CD47: variants seen among roughly 807,000 people sequenced by gnomAD.
CD47 encodes leukocyte surface antigen CD47.
CD47 carries 11 observed loss-of-function variants against 44.6 expected under a neutral mutation model. The observed-to-expected ratio is 0.25, with a 90% CI of 0.16 to 0.41. CD47 has a LOEUF of 0.41. CD47 is among the 10% of genes least tolerant of loss of function. The pLI, the probability that CD47 is intolerant of heterozygous loss-of-function variation, is 1.00. For missense variants in CD47, 306 were observed against 386.7 expected, an observed-to-expected ratio of 0.79 and a Z score of 1.75; for synonymous variants, 140 against 136.3, an observed-to-expected ratio of 1.03 and a Z score of -0.19.
At chr3:108,049,727 G>A in intron 9 of CD47, 76 bp from the exon 10 acceptor site, 1 of 950,356 alleles carries the variant, frequency 1.1e-6, no homozygotes, top group Non-Finnish European at 1.7e-6. Flanking sequence ...AAACAAATAT[G>A]CAATGATATG....
At chr3:108,080,548 A>T (rs1010185038) in intron 1 of CD47, among the ~76,000 whole-genome samples, 4 of 151,394 alleles carry the variant, frequency 2.6e-5, no homozygotes, top group Admixed American at 2.0e-4. Flanking sequence ...AGGCATCATT[A>T]TGACTTTTCT....
chr3:108,085,141 C>T (rs969221837), intron 1 of CD47, among the ~76,000 whole-genome samples: 4 of 152,074 alleles, frequency 2.6e-5, no homozygotes, highest in South Asian at 4.2e-4. Context: ...ATCATAATGA[C>T]GTTATTGCAA....
At position 108,058,448 on chromosome 3, in the gene CD47, T is replaced by G; in HGVS notation, c.692-19A>C. On this transcript the variant is annotated intron_variant, in intron 5 of 10. Transcript: ENST00000361309. ...CCAATCGCTGGAGGAAGGAAAAGGA[T>G]GTAACAGAAGCATGTCAAGAGTATT... is the stretch of plus-strand genomic sequence containing the variant. 1 of 1,493,580 alleles carries G rather than the reference T, an allele frequency of 6.7e-7. No individual in the cohort carries two copies. The highest frequency in any genetic ancestry group is 9.1e-7 in the Non-Finnish European group (1 of 1,094,996). 92.5% of individuals were successfully genotyped at this position (1,493,580 alleles called of 1,614,324 possible). A position where few individuals can be genotyped will look rare whatever the true frequency, so the allele number is the denominator to read the frequency against.
chr3:108,062,791 G>A (rs867427814), intron 3 of CD47, among the ~76,000 whole-genome samples: 1 of 150,308 alleles, frequency 6.7e-6, no homozygotes, highest in Admixed American at 6.6e-5. Flanking sequence ...ACAGGCATGC[G>A]CCACCAGGCC....
intron 3 of CD47, among the ~76,000 whole-genome samples, chr3:108,065,878 TA>T (rs1305725650): frequency 6.8e-6 from 1 of 147,500 alleles, no homozygotes; most frequent in Non-Finnish European, 1.5e-5. Flanking sequence ...AAAGTCTTAT[TA>T]CCAGGGGCCA....
chr3:108,068,364 T>C (rs2079139701), intron 3 of CD47, among the ~76,000 whole-genome samples: 1 of 152,160 alleles, frequency 6.6e-6, no homozygotes, highest in Non-Finnish European at 1.5e-5. Context: ...AATATGCACA[T>C]CACACCCACA....
intron 2 of CD47, among the ~76,000 whole-genome samples, chr3:108,079,777 C>T (rs974649999): frequency 2.0e-5 from 3 of 151,626 alleles, no homozygotes; most frequent in South Asian, 2.1e-4. Flanking sequence ...ACAAGTAATA[C>T]AAATTAAATA....
chr3:108,049,947 G>A (rs547687726), intron 9 of CD47, among the ~76,000 whole-genome samples: 1 of 151,778 alleles, frequency 6.6e-6, no homozygotes, highest in East Asian at 1.9e-4. Context: ...ATCACAAATT[G>A]GAAGTAATTG....
chr3:108,068,603 A>C (rs1386220876), intron 3 of CD47, among the ~76,000 whole-genome samples: 1 of 152,216 alleles, frequency 6.6e-6, no homozygotes, highest in Non-Finnish European at 1.5e-5. Flanking sequence ...TTCAAATCCC[A>C]GTACTATCAG....
chr3:108,064,916 C>T (rs1196891131), intron 3 of CD47, among the ~76,000 whole-genome samples: 1 of 152,146 alleles, frequency 6.6e-6, no homozygotes, highest in Non-Finnish European at 1.5e-5. Flanking sequence ...CACCTTTACA[C>T]ATAAAATTAC....
chr3:108,056,566 A>AT (rs1469899876), intron 7 of CD47, among the ~76,000 whole-genome samples: 1 of 152,176 alleles, frequency 6.6e-6, no homozygotes, highest in African/African-American at 2.4e-5. Flanking sequence ...CAGAAACACT[A>AT]TTTTTTTACT....
chr3:108,076,905 T>A (rs774020202), intron 2 of CD47, among the ~76,000 whole-genome samples: 8 of 152,150 alleles, frequency 5.3e-5, no homozygotes, highest in Admixed American at 1.3e-4. Flanking sequence ...TAAGAAGAAT[T>A]TGAGGGACAG....
chr3:108,056,112 G>A (rs1397321608), intron 7 of CD47, among the ~76,000 whole-genome samples: 1 of 152,200 alleles, frequency 6.6e-6, no homozygotes, highest in African/African-American at 2.4e-5. Flanking sequence ...AACCAGGAGT[G>A]TCATCTTCCA....
rs944026249 is a variant in CD47 at position 108,043,112 on chromosome 3, A to C, written c.*4176T>G. ...CACATTGGACTGATTTAAAACTTTT[A>C]ATTAAAACTCTGCTCTAATTAAAAG... On this transcript the variant is annotated 3_prime_UTR_variant, in exon 11 of 11. Coordinates refer to ENST00000361309, the MANE Select transcript of CD47 (RefSeq NM_001777.4). 6.6e-6 allele frequency: 1 copy of C among 152,506 alleles called. No homozygotes were observed. Among genetic ancestry groups the C allele is most frequent in the Admixed American group, 6.5e-5 (1 of 15,274 alleles). The allele number at this position is 152,506 out of a possible 1,614,324, so 9.4% of individuals were successfully genotyped here. A position where few individuals can be genotyped will look rare whatever the true frequency, so the allele number is the denominator to read the frequency against.
intron 7 of CD47, among the ~76,000 whole-genome samples, chr3:108,054,968 T>C (rs890675692): frequency 1.3e-5 from 2 of 152,182 alleles, no homozygotes; most frequent in Non-Finnish European, 2.9e-5. Flanking sequence ...AGCCCAACTT[T>C]AGTGAGTTTG....
chr3:108,091,008 G>A lies in CD47; in HGVS notation c.-100C>T, dbSNP rs1011220147. On this transcript the variant is annotated 5_prime_UTR_variant, in exon 1 of 11. Coordinates refer to ENST00000361309, the MANE Select transcript of CD47 (RefSeq NM_001777.4). ...GGACCGACCGCCGCCGCGCGTCACA[G>A]GCAGGACCCACTGCCCAGGCTGCAC... 30 of 811,820 alleles carry A rather than the reference G, an allele frequency of 3.7e-5. No individual in the cohort carries two copies. In the East Asian group the frequency reaches 9.1e-4, roughly 25 times the overall value. 50.3% of individuals were successfully genotyped at this position (811,820 alleles called of 1,614,324 possible).
At chr3:108,073,829 T>C (rs1465992572) in intron 2 of CD47, among the ~76,000 whole-genome samples, 1 of 152,068 alleles carries the variant, frequency 6.6e-6, no homozygotes, top group Non-Finnish European at 1.5e-5. Flanking sequence ...CAGCAGTCAT[T>C]TGGAAGGGAG....
At chr3:108,048,437 T>C (rs1210359824) in intron 10 of CD47, among the ~76,000 whole-genome samples, 1 of 132,026 alleles carries the variant, frequency 7.6e-6, no homozygotes, top group East Asian at 2.5e-4. Flanking sequence ...CAGGCTGGAG[T>C]GTAGTGGCAC....
chr3:108,088,830 A>AT (rs1055722961), intron 1 of CD47, among the ~76,000 whole-genome samples: 3 of 152,252 alleles, frequency 2.0e-5, no homozygotes, highest in Admixed American at 2.0e-4. Context: ...CTTGCATACC[A>AT]TTAAGGTGCC....
Sources: allele counts gnomAD v4.1 joint callset (sites outside exome capture counted in the v4.1 genomes callset), GRCh38; gene constraint gnomAD v4.1.1; transcripts MANE v1.5; gene names NCBI Gene and HGNC (gene_info 2026-07-23, HGNC 2026-07-21).